Variants in RCBTB1 observed in about 807,000 individuals in gnomAD.
RCBTB1 encodes the protein RCC1 and BTB domain containing protein 1.
A neutral mutation model predicts 62.4 loss-of-function variants in RCBTB1; 46 were observed. The observed-to-expected ratio is 0.74, with a 90% CI of 0.58 to 0.94. RCBTB1 has a LOEUF of 0.94. Ranked by LOEUF, RCBTB1 falls within the 40% of genes least tolerant of loss-of-function variation. RCBTB1 has a pLI of 0.00. For synonymous variants in RCBTB1, 222 were observed against 245.8 expected (o/e 0.90, Z 0.91); for missense variants, 565 against 654.9 (o/e 0.86, Z 1.50).
intron 2 of RCBTB1, among the ~76,000 whole-genome samples, chr13:49,577,905 C>A (rs542417249): frequency 1.3e-5 from 2 of 152,184 alleles, no homozygotes; most frequent in Non-Finnish European, 2.9e-5. Flanking sequence ...TACACATACA[C>A]TGAAAATTCC....
At chr13:49,558,512 T>G (rs1050230033) in intron 5 of RCBTB1, among the ~76,000 whole-genome samples, 2 of 151,762 alleles carry the variant, frequency 1.3e-5, no homozygotes, top group Non-Finnish European at 2.9e-5. Flanking sequence ...GCCAACATGG[T>G]GAAACCCCGT....
intron 2 of RCBTB1, among the ~76,000 whole-genome samples, chr13:49,575,479 A>C (rs1963715164): frequency 6.6e-6 from 1 of 151,658 alleles, no homozygotes; most frequent in South Asian, 2.1e-4. Context: ...AGCACTATTC[A>C]CAATAGCAAA....
At chr13:49,551,988 C>G (rs1470338990) in intron 7 of RCBTB1, among the ~76,000 whole-genome samples, 190 bp downstream of exon 7, 4 of 146,036 alleles carry the variant, frequency 2.7e-5, no homozygotes, top group African/African-American at 1.0e-4. Context: ...CTTGTCGAGC[C>G]TGTTTTGCCA....
Position 49,544,795 on chromosome 13 carries a change from G to A in RCBTB1, c.1114C>T (p.Leu372=). 3 of 1,611,628 alleles carry A rather than the reference G, an allele frequency of 1.9e-6. No individual in the cohort carries two copies. Among genetic ancestry groups the A allele is most frequent in the Non-Finnish European group, 2.5e-6 (3 of 1,178,356 alleles). ...TATTTTCCATCAATTCGAAACTTCA[G>A]ATCAGCAGTTTCTGGACTATCAAAT... ...KEFDSPETAD[L]KFRIDGKYIH... Residue 372 remains leucine, a synonymous_variant, in exon 10 of 13, where the codon CTG becomes TTG. Coordinates refer to ENST00000378302, the MANE Select transcript of RCBTB1 (RefSeq NM_018191.4).
At chr13:49,577,905 C>T (rs542417249) in intron 2 of RCBTB1, among the ~76,000 whole-genome samples, 3 of 152,302 alleles carry the variant, frequency 2.0e-5, no homozygotes, top group African/African-American at 7.2e-5. Context: ...TACACATACA[C>T]TGAAAATTCC....
At chr13:49,551,831 C>T (rs1477783097) in intron 7 of RCBTB1, among the ~76,000 whole-genome samples, 3 of 144,302 alleles carry the variant, frequency 2.1e-5, no homozygotes, top group East Asian at 2.1e-4. Context: ...ACTCGGGAGG[C>T]GGAGCTTGCA....
chr13:49,541,021 T>G lies in RCBTB1; in HGVS notation c.1325-15A>C. 1 of 1,606,658 alleles carries G rather than the reference T, an allele frequency of 6.2e-7. No homozygotes were observed. Among genetic ancestry groups the G allele is most frequent in the Non-Finnish European group, 8.5e-7 (1 of 1,178,264 alleles). On this transcript the variant is annotated splice_polypyrimidine_tract_variant and intron_variant, in intron 11 of 12. Transcript: ENST00000378302. The stretch of plus-strand genomic sequence containing the variant: ...ATCCAGAAGACCTAAAAGTAAAATA[T>G]GTGAAAGGTTTAATCAAATGTATAA...
intron 8 of RCBTB1, among the ~76,000 whole-genome samples, chr13:49,550,807 A>G (rs183385076): frequency 9.6e-4 from 146 of 152,238 alleles, no homozygotes; most frequent in Admixed American, 2.0e-3. Flanking sequence ...TACTCAAAAC[A>G]CTTTTGCATA....
chr13:49,552,894 T>G (rs1433638185), intron 6 of RCBTB1, among the ~76,000 whole-genome samples: 1 of 152,036 alleles, frequency 6.6e-6, no homozygotes, highest in Non-Finnish European at 1.5e-5. Flanking sequence ...GTAGAAAGAC[T>G]AGAAGAAGGC....
At chr13:49,576,268 T>C (rs1042676396) in intron 2 of RCBTB1, among the ~76,000 whole-genome samples, 1 of 150,482 alleles carries the variant, frequency 6.6e-6, no homozygotes, top group African/African-American at 2.4e-5. Flanking sequence ...TACAACAATG[T>C]GAATGTACAT....
intron 12 of RCBTB1, among the ~76,000 whole-genome samples, chr13:49,536,196 A>G (rs73493264): frequency 0.033 from 4,986 of 152,310 alleles, 274 homozygotes; most frequent in African/African-American, 0.11. Context: ...CAAAAGTTCC[A>G]AACATTAAAA....
At chr13:49,541,619 T>A in intron 11 of RCBTB1, 57 bp downstream of exon 11, 1 of 1,496,630 alleles carries the variant, frequency 6.7e-7, no homozygotes, top group Non-Finnish European at 9.0e-7. Flanking sequence ...GGACTAAGAA[T>A]ATGAGGGGAT....
At chr13:49,539,410 T>C (rs1028016725) in intron 12 of RCBTB1, 4 of 152,194 alleles carry the variant, frequency 2.6e-5, no homozygotes, top group Admixed American at 2.0e-4. Context: ...AGGCTTTTTC[T>C]GTAAACTTCC....
rs911892067 is a variant in RCBTB1, at chr13:49,534,140, A to C, written c.1578T>G (p.Cys526Trp). 6.2e-7 allele frequency: 1 copy of C among 1,614,080 alleles called. No individual in the cohort carries two copies. Reference sequence around the variant, plus strand: ...TTGCGCTTCAGTTCTTAAAGGCTCCACATTTACTGGCTTTAGCAATGAATT... The same window carrying C: ...TTGCGCTTCAGTTCTTAAAGGCTCCCCATTTACTGGCTTTAGCAATGAATT... The part of the protein sequence containing the change: ...LKEFIAKASK[C>W]GAFKN Residue 526 changes from cysteine (C) to tryptophan (W), a missense_variant, in exon 13 of 13, where the codon TGT becomes TGG. By Grantham distance (215) the Cys-to-Trp change is radical. Coordinates refer to ENST00000378302, the MANE Select transcript of RCBTB1 (RefSeq NM_018191.4).
intron 4 of RCBTB1, among the ~76,000 whole-genome samples, chr13:49,560,994 AT>A (rs1305447663): frequency 2.0e-5 from 3 of 152,024 alleles, no homozygotes; most frequent in East Asian, 1.9e-4. Context: ...CTCTGTCTGA[AT>A]TTTTTTTATA....
chr13:49,554,686 C>T (rs1229951438), intron 6 of RCBTB1, among the ~76,000 whole-genome samples: 1 of 152,146 alleles, frequency 6.6e-6, no homozygotes, highest in Non-Finnish European at 1.5e-5. Flanking sequence ...GTGAACTGCA[C>T]AACAAGGCAT....
chr13:49,578,417 T>G (rs1231810636), intron 2 of RCBTB1, among the ~76,000 whole-genome samples: 1 of 152,206 alleles, frequency 6.6e-6, no homozygotes, highest in African/African-American at 2.4e-5. Context: ...CTGACTTTAA[T>G]AGCATACATT....
Position 49,534,086 on chromosome 13 carries a change from C to T in RCBTB1, c.*36G>A. ...AACTGGACACATCCTCAACAGTGCCCCAGAGCACTCACACAGAACCCAGCA... is the reference window on the plus strand; with the variant it reads ...AACTGGACACATCCTCAACAGTGCCTCAGAGCACTCACACAGAACCCAGCA... On this transcript the variant is annotated 3_prime_UTR_variant, in exon 13 of 13. Transcript: ENST00000378302. The T allele has an allele frequency of 6.2e-7, 1 of 1,604,064 alleles. No homozygotes were observed. The highest frequency in any genetic ancestry group is 8.5e-7 in the Non-Finnish European group (1 of 1,174,350).
At chr13:49,557,270 A>AT (rs1962002256) in intron 5 of RCBTB1, among the ~76,000 whole-genome samples, 1 of 152,208 alleles carries the variant, frequency 6.6e-6, no homozygotes, top group Non-Finnish European at 1.5e-5. Flanking sequence ...AGAAGGGACT[A>AT]TGGCAGTAGT....
Sources: allele counts gnomAD v4.1 joint callset (sites outside exome capture counted in the v4.1 genomes callset), GRCh38; gene constraint gnomAD v4.1.1; transcripts MANE v1.5; gene names NCBI Gene and HGNC (gene_info 2026-07-23, HGNC 2026-07-21).